Variants in OR51B5 observed in about 807,000 individuals in gnomAD.
OR51B5 encodes the protein olfactory receptor family 51 subfamily B member 5, also known as olfactory receptor 51B5.
For missense variants in OR51B5, 456 were observed against 374.6 expected, an observed-to-expected ratio of 1.22 and a Z score of -1.79; for synonymous variants, 186 against 144.8, an observed-to-expected ratio of 1.28 and a Z score of -2.04.
At position 5,499,384 on chromosome 11, in the gene OR51B5, A is replaced by G. The variant is rs188778983; in HGVS notation, n.84+6185T>C. Among the ~76,000 whole-genome samples the G allele has an allele frequency of 3.5e-5, 5 of 144,620 alleles. No individual in the cohort carries two copies. The East Asian group carries it at 1.0e-3, about 29-fold the overall frequency. The allele number at this position is 144,620 out of a possible 152,430, so 94.9% of individuals were successfully genotyped here. On this transcript the variant is annotated intron_variant and non_coding_transcript_variant, in intron 1 of 4. Transcript: ENST00000415970. The stretch of plus-strand genomic sequence containing the variant: ...GCCCCACTCTTGTTTCTGTCTGCAC[A>G]GTAGACCTGGATGATACCATTCATG...
chr11:5,446,292 C>G (rs1224399666), intron 1 of OR51B5, among the ~76,000 whole-genome samples: 1 of 124,890 alleles, frequency 8.0e-6, no homozygotes. Context: ...GAATAACTCT[C>G]ATGAGGTAAC....
chr11:5,498,255 G>A (rs392884), intron 1 of OR51B5, among the ~76,000 whole-genome samples: 150,670 of 152,310 alleles, frequency 0.99, 74,548 homozygotes, highest in East Asian at 1. Flanking sequence ...CTTGGGATTA[G>A]CTGAGTGAAC....
At chr11:5,485,845 T>C (rs1180196078) in intron 1 of OR51B5, among the ~76,000 whole-genome samples, 3 of 152,164 alleles carry the variant, frequency 2.0e-5, no homozygotes, top group Non-Finnish European at 4.4e-5. Flanking sequence ...CAAATTCATA[T>C]GTCAAGGTCT....
intron 1 of OR51B5, chr11:5,403,561 TA>T (rs1234124493): frequency 2.2e-6 from 1 of 463,302 alleles, no homozygotes; most frequent in South Asian, 1.6e-5. Context: ...AAAACCATAG[TA>T]GGAAGAAATG....
chr11:5,352,010 G>A (rs1483061148), intron 1 of OR51B5: 5 of 1,613,622 alleles, frequency 3.1e-6, no homozygotes, highest in Non-Finnish European at 3.4e-6. Context: ...CCCTACTGTC[G>A]ATCCCATGTA....
intron 1 of OR51B5, among the ~76,000 whole-genome samples, chr11:5,351,030 T>G (rs1250753906): frequency 6.6e-6 from 1 of 152,224 alleles, no homozygotes; most frequent in African/African-American, 2.4e-5. Context: ...TTTCCAATAG[T>G]GCTTAGAACC....
intron 1 of OR51B5, among the ~76,000 whole-genome samples, chr11:5,484,944 T>C (rs980612477): frequency 1.3e-5 from 2 of 152,350 alleles, no homozygotes; most frequent in East Asian, 3.9e-4. Context: ...CTTCATAGCT[T>C]TATAGGTTTT....
At chr11:5,453,150 C>T (rs2030091) in intron 1 of OR51B5, 1 of 179,016 alleles carries the variant, frequency 5.6e-6, no homozygotes, top group Non-Finnish European at 1.2e-5. Flanking sequence ...TCTATTGAAT[C>T]ATGCCTCCAA....
chr11:5,452,433 G>A lies in OR51B5; in HGVS notation n.84+53136C>T, dbSNP rs548781974. Among the ~76,000 whole-genome samples, 28 of 144,748 alleles carry A rather than the reference G, an allele frequency of 1.9e-4. No homozygotes were observed. In the South Asian group the frequency reaches 6.1e-3, roughly 31 times the overall value. 95.0% of individuals were successfully genotyped at this position (144,748 alleles called of 152,430 possible). On this transcript the variant is annotated intron_variant and non_coding_transcript_variant, in intron 1 of 4. Coordinates refer to the OR51B5 transcript ENST00000415970. ...AGGCAGAAGAATGGCGTGAACCCGG[G>A]AGGTGGAGTTGCAGTGAGCCGAGAT...
At chr11:5,369,320 A>G (rs1462182243) in intron 1 of OR51B5, among the ~76,000 whole-genome samples, 1 of 152,220 alleles carries the variant, frequency 6.6e-6, no homozygotes, top group Non-Finnish European at 1.5e-5. Context: ...AATATTAATT[A>G]AAGTTATTAT....
intron 1 of OR51B5, chr11:5,505,463 G>C: frequency 7.7e-7 from 1 of 1,300,512 alleles, no homozygotes; most frequent in Non-Finnish European, 1.0e-6. Context: ...CTAATGGGGA[G>C]TGGAGTGAGG....
chr11:5,477,082 A>G (rs1316436513), intron 1 of OR51B5, among the ~76,000 whole-genome samples: 1 of 152,202 alleles, frequency 6.6e-6, no homozygotes, highest in African/African-American at 2.4e-5. Context: ...ATAAATAAAT[A>G]GAGTGGGAAG....
rs562468255 is a variant in OR51B5 at position 5,352,955 on chromosome 11, C to T, written n.85-6045G>A. 1.9e-3 allele frequency among the ~76,000 whole-genome samples: 279 copies of T among 149,830 alleles called. 2 individuals carry two copies. The highest frequency in any genetic ancestry group is 3.2e-3 in the African/African-American group (131 of 40,992). ...TTCTTGGGTCTATGATTTGGGTCAC[C>T]GGCATTTCAGTCAATGCCCATTGCT... On this transcript the variant is annotated intron_variant and non_coding_transcript_variant, in intron 1 of 4. Transcript: ENST00000415970.
At chr11:5,440,668 G>C in intron 1 of OR51B5, 1 of 1,613,884 alleles carries the variant, frequency 6.2e-7, no homozygotes, top group Non-Finnish European at 8.5e-7. Flanking sequence ...GGTACAAACA[G>C]GTAGACATTG....
intron 1 of OR51B5, chr11:5,351,376 T>C: frequency 1.5e-6 from 1 of 651,894 alleles, no homozygotes; most frequent in South Asian, 2.0e-5. Context: ...TAAATTATCA[T>C]CCTTGCTGTC....
At chr11:5,469,107 T>A in intron 1 of OR51B5, 1 of 233,038 alleles carries the variant, frequency 4.3e-6, no homozygotes, top group East Asian at 1.3e-4. Flanking sequence ...GAAAAGTGGA[T>A]GAAGAACGTC....
At chr11:5,415,892 C>T (rs10768944) in intron 1 of OR51B5, among the ~76,000 whole-genome samples, 118,778 of 145,414 alleles carry the variant, frequency 0.82, 49,322 homozygotes, top group Non-Finnish European at 0.89. Flanking sequence ...TTCCAATCAA[C>T]AGAAAAAGAG....
intron 1 of OR51B5, chr11:5,430,722 A>G (rs1241040880): frequency 4.4e-6 from 2 of 456,776 alleles, no homozygotes; most frequent in Non-Finnish European, 8.8e-6. Flanking sequence ...TCTTAACACT[A>G]TAGATGATGG....
intron 1 of OR51B5, among the ~76,000 whole-genome samples, chr11:5,448,729 A>C (rs16931173): frequency 0.092 from 14,022 of 152,206 alleles, 927 homozygotes; most frequent in African/African-American, 0.18. Flanking sequence ...TGAACTTTCC[A>C]TTCCCCCATC....
Sources: gnomAD v4.1 joint callset for allele counts (sites outside exome capture counted in the v4.1 genomes callset) on GRCh38, gnomAD v4.1.1 for gene constraint, MANE v1.5 for transcripts, NCBI Gene and HGNC (gene_info 2026-07-23, HGNC 2026-07-21) for gene names.